TRIM5: variants seen among roughly 807,000 people sequenced by gnomAD.
TRIM5 encodes the protein tripartite motif containing 5.
TRIM5 carries 31 observed loss-of-function variants against 35.6 expected under a neutral mutation model. The ratio of observed to expected loss-of-function variants is 0.87; its 90% CI spans 0.65 to 1.18. The LOEUF (loss-of-function observed/expected upper bound fraction) is 1.18, where lower values mean the gene tolerates loss of function less well. Ranked by LOEUF, TRIM5 falls within the 50% of genes most tolerant of loss-of-function variation. The pLI, the probability that TRIM5 is intolerant of heterozygous loss-of-function variation, is 0.00. For missense variants in TRIM5, 609 were observed against 591.6 expected (o/e 1.03, Z -0.31); for synonymous variants, 243 against 215.6 (o/e 1.13, Z -1.11).
the TRIM5 span, among the ~76,000 whole-genome samples, chr11:5,635,856 A>G: frequency 6.6e-6 from 1 of 152,188 alleles, no homozygotes; most frequent in Non-Finnish European, 1.5e-5. Context: ...ACTCATTAGT[A>G]TGGCTATAAT....
At chr11:5,605,619 A>C in the TRIM5 span, 1 of 1,544,566 alleles carries the variant, frequency 6.5e-7, no homozygotes, top group Non-Finnish European at 8.7e-7. Flanking sequence ...AGAGAAACTA[A>C]CTTTCCTTCC....
chr11:5,678,970 A>T, intron 3 of TRIM5, 104 bp downstream of exon 3: 1 of 938,980 alleles, frequency 1.1e-6, no homozygotes, highest in Non-Finnish European at 1.7e-6. Flanking sequence ...TAATCAAATG[A>T]CTTCTGGACT....
At chr11:5,677,015 G>C (rs1479994421) in intron 4 of TRIM5, among the ~76,000 whole-genome samples, 2 of 152,156 alleles carry the variant, frequency 1.3e-5, no homozygotes, top group African/African-American at 4.8e-5. Flanking sequence ...AGAAAACCTA[G>C]GCAGTACCAT....
the TRIM5 span, among the ~76,000 whole-genome samples, chr11:5,651,520 C>G: frequency 0.44 from 66,586 of 152,060 alleles, 15,260 homozygotes; most frequent in Non-Finnish European, 0.5. Flanking sequence ...ATAGGTACCA[C>G]ATTTCCTTTA....
At chr11:5,607,449 C>T in the TRIM5 span, among the ~76,000 whole-genome samples, 2 of 152,140 alleles carry the variant, frequency 1.3e-5, no homozygotes, top group African/African-American at 4.8e-5. Context: ...ATAAACAGCC[C>T]TAATACAGAG....
At chr11:5,627,419 A>C in the TRIM5 span, among the ~76,000 whole-genome samples, 2 of 152,296 alleles carry the variant, frequency 1.3e-5, no homozygotes, top group Admixed American at 1.3e-4. Flanking sequence ...CAGCAAGACT[A>C]GTGGAAGAAC....
chr11:5,675,425 C>T (rs1049570566), intron 4 of TRIM5, among the ~76,000 whole-genome samples: 5 of 151,978 alleles, frequency 3.3e-5, no homozygotes, highest in Admixed American at 2.0e-4. Flanking sequence ...GGTGATTTAC[C>T]TGACCCCAGG....
At chr11:5,632,972 G>A in the TRIM5 span, among the ~76,000 whole-genome samples, 7 of 147,250 alleles carry the variant, frequency 4.8e-5, no homozygotes, top group Non-Finnish European at 7.5e-5. Context: ...GATTACAGGC[G>A]CCTGCCACCG....
chr11:5,610,763 AC>A, the TRIM5 span: 1 of 1,612,940 alleles, frequency 6.2e-7, no homozygotes, highest in Admixed American at 1.7e-5. Flanking sequence ...CTGATGTTGT[AC>A]CTTTTCCTAC....
At chr11:5,683,635 C>T (rs967046251) in intron 1 of TRIM5, among the ~76,000 whole-genome samples, 3 of 152,174 alleles carry the variant, frequency 2.0e-5, no homozygotes, top group Admixed American at 2.0e-4. Context: ...CACCAATCGA[C>T]ACTCTGTATC....
At chr11:5,665,459 A>C in intron 7 of TRIM5, 64 bp from the exon 8 acceptor site, 2 of 1,544,240 alleles carry the variant, frequency 1.3e-6, no homozygotes, top group Non-Finnish European at 1.7e-6. Flanking sequence ...TATGAGAGAA[A>C]TCTTGATAAA....
rs1308476830 is a variant in TRIM5, at chr11:5,666,012, A to C, written c.837T>G (p.Pro279=). 1 of 1,613,576 alleles carries C rather than the reference A, an allele frequency of 6.2e-7. No homozygotes were observed. Among genetic ancestry groups the C allele is most frequent in the Non-Finnish European group, 8.5e-7 (1 of 1,179,892 alleles). Residue 279 remains proline, a synonymous_variant, in exon 6 of 8, where the codon CCT becomes CCG. Coordinates refer to ENST00000380034, the MANE Select transcript of TRIM5 (RefSeq NM_033034.3). ...PKNQRRVFRA[P]DLKGMLEVFR... ...ACACTTCTAGCATTCCTTTCAGATC[A>C]GGAGCTCGAAACACTCTCCTTTGAT...
intron 4 of TRIM5, among the ~76,000 whole-genome samples, chr11:5,677,631 C>T (rs953963625): frequency 2.0e-5 from 3 of 152,142 alleles, no homozygotes; most frequent in South Asian, 4.1e-4. Flanking sequence ...AATCGCCTGA[C>T]CTCATGACTG....
the TRIM5 span, among the ~76,000 whole-genome samples, chr11:5,605,720 G>T: frequency 3.3e-5 from 5 of 152,210 alleles, no homozygotes; most frequent in Admixed American, 2.6e-4. Context: ...ACTGTTTAGA[G>T]GTATGGAGTA....
At chr11:5,593,063 G>A in the TRIM5 span, among the ~76,000 whole-genome samples, 1 of 152,160 alleles carries the variant, frequency 6.6e-6, no homozygotes, top group African/African-American at 2.4e-5. Flanking sequence ...AGAAGCATCT[G>A]AAAACAAAAT....
At chr11:5,604,161 A>G in the TRIM5 span, among the ~76,000 whole-genome samples, 1 of 149,564 alleles carries the variant, frequency 6.7e-6, no homozygotes, top group African/African-American at 2.5e-5. Context: ...TGCCCAGCTA[A>G]TTGTGTGTGT....
In TRIM5 at chr11:5,665,698, T is replaced by C; in HGVS notation, c.869-16A>G. 11 of 1,505,394 alleles carry C rather than the reference T, an allele frequency of 7.3e-6. No homozygotes were observed. The highest frequency in any genetic ancestry group is 1.4e-5 in the African/African-American group (1 of 71,176). 93.3% of individuals were successfully genotyped at this position (1,505,394 alleles called of 1,614,324 possible). ...TCTGTCAGCTCTGAAATGATAAAAA[T>C]GCACAATATTGAATACAAACAAAGG... On this transcript the variant is annotated splice_polypyrimidine_tract_variant and intron_variant, in intron 6 of 7. Transcript: ENST00000380034.
downstream of TRIM5, among the ~76,000 whole-genome samples, chr11:5,662,382 C>T (rs964421786): frequency 5.9e-5 from 9 of 152,322 alleles, no homozygotes; most frequent in East Asian, 1.7e-3. Flanking sequence ...AAATAATTCT[C>T]CTCACTGAAC....
At chr11:5,632,285 G>A in the TRIM5 span, 2 of 1,612,758 alleles carry the variant, frequency 1.2e-6, no homozygotes, top group African/African-American at 1.3e-5. Context: ...AGAAGAGAGA[G>A]GAGAGCCTCA....
Sources: gnomAD v4.1 joint callset for allele counts (sites outside exome capture counted in the v4.1 genomes callset) on GRCh38, gnomAD v4.1.1 for gene constraint, MANE v1.5 for transcripts, NCBI Gene and HGNC (gene_info 2026-07-23, HGNC 2026-07-21) for gene names.